CSMD3: variants seen among roughly 807,000 people sequenced by gnomAD.
CSMD3 encodes the protein CUB and Sushi multiple domains 3.
CSMD3 carries 177 observed loss-of-function variants against 435.2 expected under a neutral mutation model. The ratio of observed to expected loss-of-function variants is 0.41; its 90% CI spans 0.36 to 0.46. The LOEUF is 0.46. CSMD3 is among the 20% of genes least tolerant of loss of function. The probability of loss-of-function intolerance (pLI) is 0.34; values close to 1 mark genes in which losing one functional copy is unlikely to be tolerated. For synonymous variants in CSMD3, 1,656 were observed against 1,520.5 expected, an observed-to-expected ratio of 1.09 and a Z score of -2.07; for missense variants, 4,265 against 4,504.6, an observed-to-expected ratio of 0.95 and a Z score of 1.52.
chr8:112,615,063 A>G (rs1026818478), intron 22 of CSMD3, among the ~76,000 whole-genome samples: 1 of 152,166 alleles, frequency 6.6e-6, no homozygotes, highest in African/African-American at 2.4e-5. Context: ...GTCTTATAGA[A>G]TATACAGTTT....
chr8:113,153,076 A>AAAAGAAAGAAAGAAAG (rs757748243), intron 4 of CSMD3, among the ~76,000 whole-genome samples: 89 of 89,218 alleles, frequency 1.0e-3, no homozygotes, highest in Non-Finnish European at 1.3e-3. Context: ...AAAAGAAAGA[A>AAAAGAAAGAAAGAAAG]AAAGAAAGAA....
chr8:113,270,284 G>A (rs2093510907), intron 3 of CSMD3, among the ~76,000 whole-genome samples: 1 of 141,224 alleles, frequency 7.1e-6, no homozygotes, highest in African/African-American at 2.8e-5. Flanking sequence ...CAGTTAGAAT[G>A]GCGATCATTA....
intron 10 of CSMD3, among the ~76,000 whole-genome samples, chr8:112,903,151 C>CAAAAAAAAA (rs763330055): frequency 7.4e-5 from 4 of 53,738 alleles, no homozygotes; most frequent in Non-Finnish European, 1.4e-4. Flanking sequence ...GCAGTCTTGG[C>CAAAAAAAAA]AAAAAAAAAA....
At chr8:112,671,688 G>A (rs549172985) in intron 16 of CSMD3, among the ~76,000 whole-genome samples, 1 of 152,128 alleles carries the variant, frequency 6.6e-6, no homozygotes, top group Admixed American at 6.6e-5. Context: ...ACTAGGTAGC[G>A]GCAGAGCTGA....
At chr8:112,464,967 G>T (rs370614710) in intron 32 of CSMD3, among the ~76,000 whole-genome samples, 1 of 152,242 alleles carries the variant, frequency 6.6e-6, no homozygotes, top group East Asian at 1.9e-4. Context: ...TGACCAAAAA[G>T]GTAGTAAAAT....
chr8:112,756,328 C>A (rs942005005), intron 13 of CSMD3, among the ~76,000 whole-genome samples: 3 of 152,112 alleles, frequency 2.0e-5, no homozygotes, highest in African/African-American at 7.2e-5. Flanking sequence ...CTCTGGTAAC[C>A]AAACAACAAT....
At position 112,645,168 on chromosome 8, in the gene CSMD3, G is replaced by A. The variant is rs758168687; in HGVS notation, c.3251C>T (p.Pro1084Leu). The A allele has an allele frequency of 8.1e-6, 13 of 1,609,466 alleles. No individual in the cohort carries two copies. Among genetic ancestry groups the A allele is most frequent in the Non-Finnish European group, 1.0e-5 (12 of 1,176,082 alleles). Residue 1084 changes from proline (P) to leucine (L), a missense_variant, in exon 20 of 71, where the codon CCG becomes CTG. Pro to Leu is a moderately conservative substitution (Grantham distance 98). Transcript: ENST00000297405. ...PSGTILSPGYPEFYPNSLNCT... is the reference protein window; with the variant it reads ...PSGTILSPGYLEFYPNSLNCT... ...ATTCAGAGAATTTGGATAAAATTCC[G>A]GGTAACCAGGTGATAAGATTGTTCC...
chr8:112,663,299 T>C (rs1239396296), intron 17 of CSMD3, among the ~76,000 whole-genome samples: 2 of 151,926 alleles, frequency 1.3e-5, no homozygotes, highest in Non-Finnish European at 2.9e-5. Flanking sequence ...TGGAATACTA[T>C]GCAGCCATAA....
At chr8:113,238,654 G>A (rs1371875018) in intron 3 of CSMD3, among the ~76,000 whole-genome samples, 1 of 152,082 alleles carries the variant, frequency 6.6e-6, no homozygotes, top group Non-Finnish European at 1.5e-5. Context: ...GACACTTCCA[G>A]CTCGATTTTG....
intron 5 of CSMD3, among the ~76,000 whole-genome samples, chr8:113,060,483 A>C (rs992071627): frequency 6.6e-6 from 1 of 151,986 alleles, no homozygotes; most frequent in Admixed American, 6.6e-5. Flanking sequence ...GGAACTGAGG[A>C]GCTGTGGGTC....
chr8:112,775,207 A>T (rs1046789938), intron 13 of CSMD3, among the ~76,000 whole-genome samples: 12 of 151,670 alleles, frequency 7.9e-5, no homozygotes, highest in Non-Finnish European at 1.8e-4. Flanking sequence ...TCATAATAGA[A>T]ACTTGTACTA....
chr8:113,114,114 A>C (rs1431539401), intron 4 of CSMD3, among the ~76,000 whole-genome samples: 1 of 152,188 alleles, frequency 6.6e-6, no homozygotes, highest in African/African-American at 2.4e-5. Context: ...AGACAGGTAC[A>C]ATAATAATCA....
At position 113,234,069 on chromosome 8, in the gene CSMD3, T is replaced by A. The variant is rs543217765; in HGVS notation, c.514+44523A>T. Among the ~76,000 whole-genome samples the A allele has an allele frequency of 2.0e-5, 3 of 152,206 alleles. No homozygotes were observed. In the South Asian group the frequency reaches 6.2e-4, roughly 31 times the overall value. Reference sequence around the variant, plus strand: ...CCCAGAGGAAGGCTATCTTCCAAAGTCTGTTACTACAAAAAATATCCTTGG... The same window carrying A: ...CCCAGAGGAAGGCTATCTTCCAAAGACTGTTACTACAAAAAATATCCTTGG... On this transcript the variant is annotated intron_variant, in intron 3 of 70. Coordinates refer to ENST00000297405, the MANE Select transcript of CSMD3 (RefSeq NM_198123.2).
chr8:112,601,255 G>A (rs897617506), intron 22 of CSMD3, among the ~76,000 whole-genome samples: 1 of 152,068 alleles, frequency 6.6e-6, no homozygotes, highest in Non-Finnish European at 1.5e-5. Flanking sequence ...GTTGTGAAGT[G>A]CTTACTATTC....
chr8:113,041,847 T>A (rs1408113388), intron 5 of CSMD3, among the ~76,000 whole-genome samples: 1 of 152,186 alleles, frequency 6.6e-6, no homozygotes, highest in Admixed American at 6.5e-5. Flanking sequence ...TACATTAAAA[T>A]TTTTAATCAG....
chr8:112,803,995 A>G (rs548307142), intron 12 of CSMD3, among the ~76,000 whole-genome samples: 1 of 152,298 alleles, frequency 6.6e-6, no homozygotes, highest in Non-Finnish European at 1.5e-5. Flanking sequence ...CTCCACAAAT[A>G]AGGGATAACT....
At chr8:112,665,601 T>C (rs1215070385) in intron 17 of CSMD3, among the ~76,000 whole-genome samples, 1 of 152,158 alleles carries the variant, frequency 6.6e-6, no homozygotes, top group East Asian at 1.9e-4. Flanking sequence ...TGTTTGTTTT[T>C]TGAAGAAAGG....
chr8:113,098,388 T>A, intron 5 of CSMD3: 1 of 222,654 alleles, frequency 4.5e-6, no homozygotes, highest in Non-Finnish European at 9.0e-6. Flanking sequence ...CAGATGATGG[T>A]GTTTAATTTT....
At chr8:113,329,232 T>TAAATAAATA (rs1181008751) in intron 1 of CSMD3, among the ~76,000 whole-genome samples, 4 of 150,864 alleles carry the variant, frequency 2.7e-5, no homozygotes, top group Non-Finnish European at 4.4e-5. Flanking sequence ...AATAAATAAA[T>TAAATAAATA]AAGGAATTAA....
Sources: allele counts gnomAD v4.1 joint callset (sites outside exome capture counted in the v4.1 genomes callset), GRCh38; gene constraint gnomAD v4.1.1; transcripts MANE v1.5; gene names NCBI Gene and HGNC (gene_info 2026-07-23, HGNC 2026-07-21).